COG8: variants seen among roughly 807,000 people sequenced by gnomAD.
COG8 encodes component of oligomeric golgi complex 8, also known as conserved oligomeric Golgi complex subunit 8.
A neutral mutation model predicts 46.5 loss-of-function variants in COG8; 45 were observed. That is an observed-to-expected ratio of 0.97 (90% CI 0.76 to 1.24). COG8 has a LOEUF of 1.24. COG8 is among the 50% of genes most tolerant of loss of function. The pLI is 0.00. For missense variants in COG8, 793 were observed against 820.8 expected (o/e 0.97, Z 0.41); for synonymous variants, 407 against 347.8 (o/e 1.17, Z -1.90).
In COG8 at chr16:69,330,941, T is replaced by C. The variant is rs1469440056; in HGVS notation, c.1737A>G (p.Pro579=). ...ALGPELTAPA[P]EPPAEEPRLE... is the part of the protein sequence containing the mutation. ...GGCGTGGCTCCTCGGCGGGAGGCTCTGGTGCTGGAGCTGTGAGCTCGGGCC... is the reference window on the plus strand; with the variant it reads ...GGCGTGGCTCCTCGGCGGGAGGCTCCGGTGCTGGAGCTGTGAGCTCGGGCC... Residue 579 remains proline, a synonymous_variant, in exon 5 of 6, where the codon CCA becomes CCG. Coordinates refer to ENST00000306875, the MANE Select transcript of COG8 (RefSeq NM_032382.5). 5.8e-6 allele frequency: 9 copies of C among 1,563,036 alleles called. No individual in the cohort carries two copies. In the Admixed American group the frequency reaches 1.7e-4, roughly 30 times the overall value.
At chr16:69,329,414 T>C (rs1965711157) in intron 5 of COG8, among the ~76,000 whole-genome samples, 2 of 152,248 alleles carry the variant, frequency 1.3e-5, no homozygotes, top group South Asian at 4.1e-4. Flanking sequence ...ACTGTAGAGC[T>C]GAGATGAGAA....
chr16:69,330,951 G>A lies in COG8; in HGVS notation c.1727C>T (p.Ala576Val). The A allele has an allele frequency of 6.4e-7, 1 of 1,571,444 alleles. No individual in the cohort carries two copies. The highest frequency in any genetic ancestry group is 8.6e-7 in the Non-Finnish European group (1 of 1,158,990). Reference protein sequence around the residue: ...DDQALGPELTAPAPEPPAEEP... With the variant: ...DDQALGPELTVPAPEPPAEEP... ...CTCGGCGGGAGGCTCTGGTGCTGGA[G>A]CTGTGAGCTCGGGCCCCAGCGCCTG... is the stretch of plus-strand genomic sequence containing the variant. The change falls in exon 5 of 6, where the codon GCT (alanine) becomes GTT (valine). Residue 576 changes from alanine (A) to valine (V), a missense_variant. Coordinates refer to ENST00000306875, the MANE Select transcript of COG8 (RefSeq NM_032382.5).
chr16:69,339,196 G>C lies in COG8; in HGVS notation c.357C>G (p.Pro119=), dbSNP rs752889737. 6.2e-6 allele frequency: 10 copies of C among 1,612,932 alleles called. No individual in the cohort carries two copies. The Middle Eastern group carries it at 5.0e-4, about 80-fold the overall frequency. Residue 119 remains proline (P), a synonymous_variant, in exon 1 of 6, where the codon CCC becomes CCG. Transcript: ENST00000306875. The part of the protein sequence containing the change: ...ASLGRLLDRL[P]SFQQSCRNFV... ...CGCACCTGCAGCTCTGCTGGAAGCT[G>C]GGCAAACGGTCGAGCAGGCGGCCGA... is the stretch of plus-strand genomic sequence containing the variant.
intron 5 of COG8, chr16:69,330,359 C>G: frequency 2.0e-6 from 3 of 1,476,590 alleles, no homozygotes; most frequent in Non-Finnish European, 2.7e-6. Flanking sequence ...CACCGGGTCC[C>G]CGACTTGGCA....
chr16:69,339,283 G>A lies in COG8; in HGVS notation c.270C>T (p.Phe90=), dbSNP rs1305770247. The change falls in exon 1 of 6, where the codon TTC becomes TTT. Residue 90 remains phenylalanine, a synonymous_variant. Coordinates refer to ENST00000306875, the MANE Select transcript of COG8 (RefSeq NM_032382.5). ...RDLAFANYKT[F]IRGAECTERI... ...GCTCGGTGCACTCGGCGCCGCGGAT[G>A]AAGGTCTTGTAGTTAGCGAAGGCCA... The A allele has an allele frequency of 1.9e-6, 3 of 1,612,484 alleles. No individual in the cohort carries two copies. In the South Asian group the frequency reaches 3.3e-5, roughly 18 times the overall value.
intron 5 of COG8, 84 bp downstream of exon 5, chr16:69,330,729 G>T: frequency 7.0e-7 from 1 of 1,422,798 alleles, no homozygotes; most frequent in Non-Finnish European, 9.2e-7. Context: ...CTCCTCCCGG[G>T]AGCGCCTTCC....
Position 69,334,871 on chromosome 16 carries a change from A to G in COG8, c.1063T>C (p.Ser355Pro). 6.2e-7 allele frequency: 1 copy of G among 1,614,194 alleles called. No individual in the cohort carries two copies. Among genetic ancestry groups the G allele is most frequent in the Non-Finnish European group, 8.5e-7 (1 of 1,180,036 alleles). Residue 355 changes from serine to proline, a missense_variant, in exon 3 of 6, where the codon TCC (serine) becomes CCC (proline). Transcript: ENST00000306875. ...AAATCAGCTCCCACCCGGCTGAAGG[A>G]CAGCCCAAAGTACATGCACTGGCCC... ...LLGQCMYFGL[S>P]FSRVGADFRG...
In COG8 at chr16:69,339,537, T is replaced by A. The variant is rs2012431861; in HGVS notation, c.16A>T (p.Thr6Ser). The A allele has an allele frequency of 1.9e-6, 3 of 1,608,606 alleles. No homozygotes were observed. The highest frequency in any genetic ancestry group is 2.2e-5 in the East Asian group (1 of 44,872). MATAA[T>S]IPSVATATAA... ...GTGGCCGTGGCTACCGATGGGATAG[T>A]CGCCGCGGTCGCCATCTTCCCAGCA... The change falls in exon 1 of 6, where the codon ACT (threonine) becomes TCT (serine). Residue 6 changes from threonine to serine, a missense_variant. Physicochemically the swap from Thr to Ser is moderately conservative, Grantham distance 58. Coordinates refer to ENST00000306875, the MANE Select transcript of COG8 (RefSeq NM_032382.5).
rs1388143068 is a variant in COG8 at position 69,336,716 on chromosome 16, G to A, written c.378-4C>T. 2.5e-6 allele frequency: 4 copies of A among 1,613,420 alleles called. No homozygotes were observed. The highest frequency in any genetic ancestry group is 2.5e-6 in the Non-Finnish European group (3 of 1,179,466). On this transcript the variant is annotated splice_polypyrimidine_tract_variant and splice_region_variant and intron_variant, in intron 1 of 5. Coordinates refer to ENST00000306875, the MANE Select transcript of COG8 (RefSeq NM_032382.5). ...CTCGGCTTCCTTCACAAAGTTCCTAGTAATAATCAGAAGAATGTTGATCCT... is the reference window on the plus strand; with the variant it reads ...CTCGGCTTCCTTCACAAAGTTCCTAATAATAATCAGAAGAATGTTGATCCT...
intron 3 of COG8, among the ~76,000 whole-genome samples, chr16:69,333,090 C>G (rs147927822): frequency 6.6e-6 from 1 of 151,580 alleles, no homozygotes; most frequent in South Asian, 2.1e-4. Flanking sequence ...TCAGACCCAA[C>G]TTGTTACATT....
chr16:69,332,884 T>G lies in COG8; in HGVS notation c.1414-2A>C. On this transcript the variant is annotated splice_acceptor_variant, in intron 3 of 5. Coordinates refer to ENST00000306875, the MANE Select transcript of COG8 (RefSeq NM_032382.5). LOFTEE classifies it high-confidence loss of function. ...GAAGGCCAGGATTATTTTAGTTACC[T>G]AAGAGACAAGGGCACCGTCAATTAC... The G allele has an allele frequency of 6.2e-7, 1 of 1,614,048 alleles. No individual in the cohort carries two copies. Among genetic ancestry groups the G allele is most frequent in the Non-Finnish European group, 8.5e-7 (1 of 1,179,990 alleles).
Position 69,329,055 on chromosome 16 carries a change from G to C in COG8, c.*151C>G, listed in dbSNP as rs764523083. The C allele has an allele frequency of 1.1e-5, 17 of 1,611,582 alleles. No homozygotes were observed. The South Asian group carries it at 1.2e-4, about 11-fold the overall frequency. On this transcript the variant is annotated 3_prime_UTR_variant, in exon 6 of 6. Transcript: ENST00000306875. ...TCACCTTCATCCAATAGACGTTTGT[G>C]AACGTCCTGCTGTCCATTTTGTCAA... is the stretch of plus-strand genomic sequence containing the variant.
intron 5 of COG8, chr16:69,330,112 G>A (rs753679501): frequency 1.0e-5 from 16 of 1,584,958 alleles, no homozygotes; most frequent in East Asian, 2.4e-5. Flanking sequence ...TGGGGTTCAC[G>A]AACACGCGCA....
At position 69,334,622 on chromosome 16, in the gene COG8, A is replaced by G. The variant is rs910425058; in HGVS notation, c.1312T>C (p.Phe438Leu). ...VLLDFPPLAC[F>L]LNNILVAFND... The stretch of plus-strand genomic sequence containing the variant: ...AAGGCAACCAGAATATTGTTGAGAA[A>G]GCAGGCGAGGGGTGGGAAATCTAGG... Residue 438 changes from phenylalanine to leucine, a missense_variant, in exon 3 of 6, where the codon TTT becomes CTT. By Grantham distance (22) the Phe-to-Leu change is conservative. Coordinates refer to ENST00000306875, the MANE Select transcript of COG8 (RefSeq NM_032382.5). 1.9e-6 allele frequency: 3 copies of G among 1,614,210 alleles called. No individual in the cohort carries two copies. Among genetic ancestry groups the G allele is most frequent in the South Asian group, 2.2e-5 (2 of 91,092 alleles).
intron 5 of COG8, chr16:69,330,025 C>A: frequency 6.5e-7 from 1 of 1,542,408 alleles, no homozygotes; most frequent in Non-Finnish European, 8.7e-7. Flanking sequence ...GGAAGCGGGG[C>A]ACGCAGGCCA....
intron 5 of COG8, chr16:69,329,910 G>C (rs1965732394): frequency 1.4e-6 from 2 of 1,400,474 alleles, no homozygotes; most frequent in Non-Finnish European, 1.9e-6. Flanking sequence ...TCCGGCGTAT[G>C]AACCGCGACC....
In COG8 at chr16:69,329,295, G is replaced by A. The variant is rs537371292; in HGVS notation, c.*27-116C>T. The A allele has an allele frequency of 1.8e-4, 193 of 1,093,526 alleles. No individual in the cohort carries two copies. In the Middle Eastern group the frequency reaches 2.5e-3, roughly 14 times the overall value. 67.7% of individuals were successfully genotyped at this position (1,093,526 alleles called of 1,614,324 possible). ...CCATTGACAAGAGGCAACAGCAGAT[G>A]GCAAATGTAGACAGCAGCTCCTCTT... On this transcript the variant is annotated intron_variant, in intron 5 of 5. Transcript: ENST00000306875.
intron 3 of COG8, among the ~76,000 whole-genome samples, chr16:69,333,448 G>A (rs906853595): frequency 6.6e-6 from 1 of 152,158 alleles, no homozygotes; most frequent in Non-Finnish European, 1.5e-5. Flanking sequence ...CATTACAGGC[G>A]TGAGCCACTG....
rs766499868 is a variant in COG8, at chr16:69,331,127, A to T, written c.1583-32T>A. ...CAGACGTGGGGAAAGCAAAATGGAA[A>T]ACAGTTACTAATAAAACTCAATATA... On this transcript the variant is annotated intron_variant, in intron 4 of 5. Transcript: ENST00000306875. 13 of 1,611,806 alleles carry T rather than the reference A, an allele frequency of 8.1e-6. No individual in the cohort carries two copies. The Admixed American group carries it at 1.2e-4, about 15-fold the overall frequency.
Sources: gnomAD v4.1 joint callset for allele counts (sites outside exome capture counted in the v4.1 genomes callset) on GRCh38, gnomAD v4.1.1 for gene constraint, MANE v1.5 for transcripts, NCBI Gene and HGNC (gene_info 2026-07-23, HGNC 2026-07-21) for gene names.